CACNG5: variants seen among roughly 807,000 people sequenced by gnomAD.
CACNG5 encodes the protein voltage-dependent calcium channel gamma-5 subunit.
In CACNG5, 18 loss-of-function variants were observed where a neutral mutation model predicts 24.8. The observed-to-expected ratio is 0.73, with a 90% CI of 0.50 to 1.08. The LOEUF (loss-of-function observed/expected upper bound fraction) is 1.08, where lower values mean the gene tolerates loss of function less well. CACNG5 is among the 50% of genes least tolerant of loss of function. CACNG5 has a pLI of 0.00. For synonymous variants in CACNG5, 157 were observed against 149.1 expected (o/e 1.05, Z -0.39); for missense variants, 349 against 367.9 (o/e 0.95, Z 0.42).
chr17:66,880,432 A>G lies in CACNG5; in HGVS notation c.284-125A>G, dbSNP rs902638976. 734 of 1,122,616 alleles carry G rather than the reference A, an allele frequency of 6.5e-4. 1 individual carries two copies. Among genetic ancestry groups the G allele is most frequent in the Non-Finnish European group, 8.8e-4 (683 of 780,490 alleles). 69.5% of individuals were successfully genotyped at this position (1,122,616 alleles called of 1,614,324 possible). A position where few individuals can be genotyped will look rare whatever the true frequency, so the allele number is the denominator to read the frequency against. Reference sequence around the variant, plus strand: ...CACCTGATGGGGGTAGAGTCTGGGGAACCCCTGCAGGGGTGGGGCTTTGAG... The same window carrying G: ...CACCTGATGGGGGTAGAGTCTGGGGGACCCCTGCAGGGGTGGGGCTTTGAG... On this transcript the variant is annotated intron_variant, in intron 3 of 5. Transcript: ENST00000533854.
intron 1 of CACNG5, among the ~76,000 whole-genome samples, chr17:66,844,078 C>A (rs1976604404): frequency 6.6e-6 from 1 of 152,130 alleles, no homozygotes; most frequent in South Asian, 2.1e-4. Flanking sequence ...GCATGGGTCA[C>A]CGGTGTTCTC....
At chr17:66,849,713 A>G (rs1199251854) in intron 1 of CACNG5, among the ~76,000 whole-genome samples, 2 of 152,160 alleles carry the variant, frequency 1.3e-5, no homozygotes, top group African/African-American at 4.8e-5. Context: ...CCACAATGTC[A>G]TCTTCCTAGG....
At position 66,842,813 on chromosome 17, in the gene CACNG5, A is replaced by T. The variant is rs144002771; in HGVS notation, c.-104+7563A>T. On this transcript the variant is annotated intron_variant, in intron 1 of 5. Transcript: ENST00000533854. ...TACGTTGGGTGTTCACCTTTGGCCAAGCAGCTGGAACCAGGTGATGTGCCT... is the reference window on the plus strand; with the variant it reads ...TACGTTGGGTGTTCACCTTTGGCCATGCAGCTGGAACCAGGTGATGTGCCT... Among the ~76,000 whole-genome samples the T allele has an allele frequency of 9.2e-5, 14 of 152,320 alleles. 1 individual carries two copies. The East Asian group carries it at 2.7e-3, about 29-fold the overall frequency.
rs1977334634 is a variant in CACNG5 at position 66,890,942 on chromosome 17, A to T, written c.*5702A>T. ...ATGTGGAATTTAGCTAAGAGATCAG[A>T]TACTTGCAGCACCCCAAGGAAGAAT... On this transcript the variant is annotated 3_prime_UTR_variant, in exon 6 of 6. Transcript: ENST00000533854. 6.6e-6 allele frequency among the ~76,000 whole-genome samples: 1 copy of T among 152,220 alleles called. No individual in the cohort carries two copies. The highest frequency in any genetic ancestry group is 1.5e-5 in the Non-Finnish European group (1 of 68,040).
rs1022391192 is a variant in CACNG5, at chr17:66,892,887, A to G, written c.*7647A>G. 6.6e-6 allele frequency among the ~76,000 whole-genome samples: 1 copy of G among 152,234 alleles called. No individual in the cohort carries two copies. The highest frequency in any genetic ancestry group is 1.5e-5 in the Non-Finnish European group (1 of 68,046). On this transcript the variant is annotated 3_prime_UTR_variant, in exon 6 of 6. Coordinates refer to ENST00000533854, the MANE Select transcript of CACNG5 (RefSeq NM_145811.3). ...TGTTTACAGGCTTGGGATTCACCCA[A>G]GAATGGATTCACCATCTTCAACCCA... is the stretch of plus-strand genomic sequence containing the variant.
chr17:66,860,485 G>C (rs1234417360), intron 1 of CACNG5, among the ~76,000 whole-genome samples: 1 of 151,568 alleles, frequency 6.6e-6, no homozygotes, highest in Non-Finnish European at 1.5e-5. Flanking sequence ...CAGTGGGTCC[G>C]TCTATTTAAA....
At position 66,877,487 on chromosome 17, in the gene CACNG5, T is replaced by C. The variant is rs758545923; in HGVS notation, c.155T>C (p.Met52Thr). The change falls in exon 2 of 6, where the codon ATG becomes ACG. Residue 52 changes from methionine (M) to threonine (T), a missense_variant. Met to Thr is a moderately conservative substitution (Grantham distance 81, BLOSUM62 -1). Coordinates refer to ENST00000533854, the MANE Select transcript of CACNG5 (RefSeq NM_145811.3). ...CAGAACCAGAGCACCGAGATCAAGATGTCCCTGCACTCAGGCCTCTGGCGG... is the reference window on the plus strand; with the variant it reads ...CAGAACCAGAGCACCGAGATCAAGACGTCCCTGCACTCAGGCCTCTGGCGG... ...VPQNQSTEIKMSLHSGLWRVC... is the reference protein window; with the variant it reads ...VPQNQSTEIKTSLHSGLWRVC... 39 of 1,613,440 alleles carry C rather than the reference T, an allele frequency of 2.4e-5. No individual in the cohort carries two copies. The highest frequency in any genetic ancestry group is 5.0e-5 in the Admixed American group (3 of 59,950).
Position 66,889,934 on chromosome 17 carries a change from C to G in CACNG5, c.*4694C>G, listed in dbSNP as rs180710808. On this transcript the variant is annotated 3_prime_UTR_variant, in exon 6 of 6. Transcript: ENST00000533854. ...TAAGTGGAGAAAGGACAGCGGAGGC[C>G]GGGGGAGCCACATTCCACCTAAGGC... Among the ~76,000 whole-genome samples the G allele has an allele frequency of 1.3e-5, 2 of 152,178 alleles. No individual in the cohort carries two copies. Among genetic ancestry groups the G allele is most frequent in the African/African-American group, 4.8e-5 (2 of 41,440 alleles).
intron 1 of CACNG5, among the ~76,000 whole-genome samples, chr17:66,844,303 C>T (rs1976607487): frequency 6.6e-6 from 1 of 152,174 alleles, no homozygotes. Context: ...GGGCCCCTGA[C>T]ATATGCACTG....
chr17:66,838,960 C>CTTTTTTTTTTT lies in CACNG5; in HGVS notation c.-104+3719_-104+3729dup, dbSNP rs71160595. Among the ~76,000 whole-genome samples the CTTTTTTTTTTT allele has an allele frequency of 1.8e-3, 157 of 88,086 alleles. 20 individuals carry two copies. The highest frequency in any genetic ancestry group is 2.8e-3 in the African/African-American group (57 of 20,486). The allele number at this position is 88,086 out of a possible 152,430, so 57.8% of individuals were successfully genotyped here. A position where few individuals can be genotyped will look rare whatever the true frequency, so the allele number is the denominator to read the frequency against. ...GTAGCACCCCAGTCCCTCACCCATT[C>CTTTTTTTTTTT]TTTTTTTTTTTTTTTTTTTGAGACA... On this transcript the variant is annotated intron_variant, in intron 1 of 5. Coordinates refer to ENST00000533854, the MANE Select transcript of CACNG5 (RefSeq NM_145811.3).
intron 1 of CACNG5, among the ~76,000 whole-genome samples, chr17:66,848,531 A>G (rs1278184321): frequency 6.6e-6 from 1 of 152,222 alleles, no homozygotes; most frequent in Non-Finnish European, 1.5e-5. Flanking sequence ...ATCCTCACTG[A>G]GGACAAACCT....
At chr17:66,838,459 C>G (rs1187008764) in intron 1 of CACNG5, among the ~76,000 whole-genome samples, 1 of 151,402 alleles carries the variant, frequency 6.6e-6, no homozygotes, top group African/African-American at 2.4e-5. Context: ...TCACGGCAGC[C>G]CATGGCCAGG....
chr17:66,861,205 GAAGT>G lies in CACNG5; in HGVS notation c.-103-16021_-103-16018del, dbSNP rs567374361. Among the ~76,000 whole-genome samples, 858 of 152,296 alleles carry G rather than the reference GAAGT, an allele frequency of 5.6e-3. 2 individuals carry two copies. Among genetic ancestry groups the G allele is most frequent in the Non-Finnish European group, 8.0e-3 (546 of 68,022 alleles). On this transcript the variant is annotated intron_variant, in intron 1 of 5. Coordinates refer to ENST00000533854, the MANE Select transcript of CACNG5 (RefSeq NM_145811.3). ...GGAGAAGGAGAAGCCAAGCTGTATT[GAAGT>G]AAGGAAATGACATCAAGTGGTAACT...
Position 66,889,670 on chromosome 17 carries a change from A to G in CACNG5, c.*4430A>G, listed in dbSNP as rs988931360. Among the ~76,000 whole-genome samples the G allele has an allele frequency of 6.6e-6, 1 of 152,192 alleles. No homozygotes were observed. Among genetic ancestry groups the G allele is most frequent in the Non-Finnish European group, 1.5e-5 (1 of 68,040 alleles). On this transcript the variant is annotated 3_prime_UTR_variant, in exon 6 of 6. Transcript: ENST00000533854. ...ACTTGCAGTTCAAGTCCAAACTTGC[A>G]GTCTCCTGGCAGAAATCCTGGCTGC...
intron 2 of CACNG5, among the ~76,000 whole-genome samples, chr17:66,877,849 T>G (rs962587316): frequency 1.3e-5 from 2 of 152,258 alleles, no homozygotes; most frequent in Admixed American, 1.3e-4. Context: ...TGTTCATGCA[T>G]GCTTTAGCTC....
At chr17:66,836,827 A>C (rs1356160417) in intron 1 of CACNG5, among the ~76,000 whole-genome samples, 2 of 152,240 alleles carry the variant, frequency 1.3e-5, no homozygotes, top group Non-Finnish European at 2.9e-5. Flanking sequence ...GAACCCCAGC[A>C]TCCTGGCTGG....
In CACNG5 at chr17:66,879,013, C is replaced by G; in HGVS notation, c.238C>G (p.Pro80Ala). 4 of 1,613,722 alleles carry G rather than the reference C, an allele frequency of 2.5e-6. No homozygotes were observed. Among genetic ancestry groups the G allele is most frequent in the Non-Finnish European group, 3.4e-6 (4 of 1,179,794 alleles). Residue 80 changes from proline to alanine, a missense_variant, in exon 3 of 6, where the codon CCC becomes GCC. By Grantham distance (27) the Pro-to-Ala change is conservative. Transcript: ENST00000533854. ...GRCFTIEYVM[P>A]MNTQLTSEST... is the part of the protein sequence containing the mutation. ...TTGCTTCACCATAGAATATGTGATG[C>G]CCATGAACACCCAGCTGACATCCGA...
chr17:66,836,867 A>G (rs1976487911), intron 1 of CACNG5, among the ~76,000 whole-genome samples: 1 of 152,240 alleles, frequency 6.6e-6, no homozygotes. Flanking sequence ...AGCCAACAGC[A>G]CACTTGAGGG....
Position 66,885,231 on chromosome 17 carries a change from A to G in CACNG5, c.819A>G (p.Ser273=). ...CCGACTATGATCAGATGTCCTCTTCACCCTGCTGAGCCTCGGCCGCCCCCA... is the reference window on the plus strand; with the variant it reads ...CCGACTATGATCAGATGTCCTCTTCGCCCTGCTGAGCCTCGGCCGCCCCCA... ...KCPDYDQMSS[S]PC The change falls in exon 6 of 6, where the codon TCA becomes TCG. Residue 273 remains serine, a synonymous_variant. Coordinates refer to ENST00000533854, the MANE Select transcript of CACNG5 (RefSeq NM_145811.3). The G allele has an allele frequency of 6.3e-7, 1 of 1,584,584 alleles. No homozygotes were observed. The highest frequency in any genetic ancestry group is 8.5e-7 in the Non-Finnish European group (1 of 1,170,418).
Sources: allele counts gnomAD v4.1 joint callset (sites outside exome capture counted in the v4.1 genomes callset), GRCh38; gene constraint gnomAD v4.1.1; transcripts MANE v1.5; gene names NCBI Gene and HGNC (gene_info 2026-07-23, HGNC 2026-07-21).